Variants in NSG2 observed in about 807,000 individuals in gnomAD.
NSG2 encodes the protein neuronal vesicle trafficking-associated protein 2.
Under a neutral mutation model 16.9 loss-of-function variants are expected in NSG2, and 4 were observed. The observed-to-expected ratio is 0.24, with a 90% CI of 0.12 to 0.54. The LOEUF is 0.54. NSG2 is among the 20% of genes least tolerant of loss of function. The pLI, the probability that NSG2 is intolerant of heterozygous loss-of-function variation, is 0.95. For synonymous variants in NSG2, 98 were observed against 88.7 expected (o/e 1.11, Z -0.59); for missense variants, 179 against 221.1 (o/e 0.81, Z 1.21).
At chr5:174,101,957 G>A (rs1760901730) in intron 3 of NSG2, among the ~76,000 whole-genome samples, 1 of 152,114 alleles carries the variant, frequency 6.6e-6, no homozygotes, top group Admixed American at 6.6e-5. Flanking sequence ...TTGCCTGTGT[G>A]ATACCGGACT....
intron 3 of NSG2, chr5:174,082,333 T>C (rs766342664): frequency 2.0e-5 from 3 of 152,252 alleles, no homozygotes; most frequent in Non-Finnish European, 4.4e-5. Flanking sequence ...CTGAAGCTTC[T>C]GTTTATGTGA....
intron 2 of NSG2, among the ~76,000 whole-genome samples, chr5:174,053,431 G>A (rs1479672996): frequency 6.6e-6 from 1 of 152,176 alleles, no homozygotes; most frequent in African/African-American, 2.4e-5. Context: ...ATGCTCTGCA[G>A]GGGAGGCCTG....
intron 3 of NSG2, among the ~76,000 whole-genome samples, chr5:174,078,074 T>G (rs557465458): frequency 6.6e-6 from 1 of 152,330 alleles, no homozygotes; most frequent in Non-Finnish European, 1.5e-5. Context: ...AATTTAAAGT[T>G]TAATTTCTAT....
intron 3 of NSG2, among the ~76,000 whole-genome samples, chr5:174,088,897 G>A (rs911414967): frequency 2.6e-5 from 4 of 152,198 alleles, no homozygotes; most frequent in Non-Finnish European, 1.5e-5. Flanking sequence ...TCTTTATCAG[G>A]ACAGAACAGA....
intron 3 of NSG2, among the ~76,000 whole-genome samples, chr5:174,102,727 G>A (rs1033924048): frequency 1.3e-5 from 2 of 151,694 alleles, no homozygotes; most frequent in Non-Finnish European, 2.9e-5. Context: ...GCAGGCTTTC[G>A]AGCAGAAAAG....
intron 3 of NSG2, among the ~76,000 whole-genome samples, chr5:174,076,228 A>G (rs953219993): frequency 6.6e-6 from 1 of 152,260 alleles, no homozygotes; most frequent in Non-Finnish European, 1.5e-5. Context: ...GGCATGCAGT[A>G]GCCCCTAAAA....
Position 174,108,114 on chromosome 5 carries a change from C to CCTG in NSG2, c.*609_*610insCTG. ...ATAACCCATAGTGAAATGTGCTGGC[C>CCTG]TCTGGTGCATTTTGCAAGATGAGCA... is the stretch of plus-strand genomic sequence containing the variant. On this transcript the variant is annotated 3_prime_UTR_variant, in exon 5 of 5. Transcript: ENST00000303177. The CCTG allele has an allele frequency of 4.5e-6, 1 of 224,158 alleles. No homozygotes were observed. Among genetic ancestry groups the CCTG allele is most frequent in the Non-Finnish European group, 8.9e-6 (1 of 112,630 alleles). 13.9% of individuals were successfully genotyped at this position (224,158 alleles called of 1,614,324 possible). A position where few individuals can be genotyped will look rare whatever the true frequency, so the allele number is the denominator to read the frequency against.
At chr5:174,061,666 C>T (rs1285765653) in intron 2 of NSG2, among the ~76,000 whole-genome samples, 1 of 152,118 alleles carries the variant, frequency 6.6e-6, no homozygotes. Flanking sequence ...TGCAGTGGCA[C>T]AATCTTGGCT....
At chr5:174,073,394 T>G (rs924116521) in intron 3 of NSG2, among the ~76,000 whole-genome samples, 1 of 152,246 alleles carries the variant, frequency 6.6e-6, no homozygotes. Context: ...TTAGGCAAGT[T>G]ATTAAAAACA....
At chr5:174,093,050 G>A (rs147971228) in intron 3 of NSG2, among the ~76,000 whole-genome samples, 1 of 152,188 alleles carries the variant, frequency 6.6e-6, no homozygotes, top group Admixed American at 6.5e-5. Context: ...TGTTATTGTA[G>A]GTTTATAGGC....
chr5:174,100,225 G>T (rs994227093), intron 3 of NSG2, among the ~76,000 whole-genome samples: 9 of 152,194 alleles, frequency 5.9e-5, no homozygotes, highest in Non-Finnish European at 1.3e-4. Flanking sequence ...GACAGTCACG[G>T]AGGACACCCC....
intron 3 of NSG2, among the ~76,000 whole-genome samples, chr5:174,069,905 T>C (rs952664689): frequency 1.2e-4 from 17 of 137,982 alleles, no homozygotes; most frequent in African/African-American, 2.0e-4. Flanking sequence ...TGAGACAAGG[T>C]CTTACTTTGT....
chr5:174,050,545 G>A (rs540723179), intron 2 of NSG2, among the ~76,000 whole-genome samples: 1 of 152,324 alleles, frequency 6.6e-6, no homozygotes, highest in South Asian at 2.1e-4. Context: ...CAGATGAAGA[G>A]TGGAAGGGCT....
intron 3 of NSG2, among the ~76,000 whole-genome samples, chr5:174,071,996 G>A (rs74546819): frequency 0.014 from 2,156 of 152,228 alleles, 24 homozygotes; most frequent in Non-Finnish European, 0.021. Context: ...CCCTGCTCAC[G>A]TTCCCTCCAA....
chr5:174,105,872 C>T (rs1192985738), intron 4 of NSG2, among the ~76,000 whole-genome samples: 1 of 152,092 alleles, frequency 6.6e-6, no homozygotes, highest in Non-Finnish European at 1.5e-5. Flanking sequence ...TGCACTCCAG[C>T]CTGGGGGGAC....
At position 174,107,620 on chromosome 5, in the gene NSG2, G is replaced by C; in HGVS notation, c.*115G>C. ...CCTGGGATATGGGGGCGGGGGCGGG[G>C]CAGGGCAGGGTGGGGGGAAGAACGC... On this transcript the variant is annotated 3_prime_UTR_variant, in exon 5 of 5. Transcript: ENST00000303177. The surrounding 1 kb of genome is among the most constrained non-coding windows in gnomAD (Gnocchi z 4.5). 1.7e-5 allele frequency: 8 copies of C among 483,544 alleles called. No homozygotes were observed. Among genetic ancestry groups the C allele is most frequent in the East Asian group, 1.4e-4 (2 of 14,562 alleles). 30.0% of individuals were successfully genotyped at this position (483,544 alleles called of 1,614,324 possible). A position where few individuals can be genotyped will look rare whatever the true frequency, so the allele number is the denominator to read the frequency against.
Position 174,051,581 on chromosome 5 carries a change from A to G in NSG2, c.129+4697A>G, listed in dbSNP as rs896455393. On this transcript the variant is annotated intron_variant, in intron 2 of 4. Coordinates refer to ENST00000303177, the MANE Select transcript of NSG2 (RefSeq NM_015980.5). ...CCATCTACCCATCCATTCATCATCC[A>G]TCCATCCATCCATCCAGCAAGTCTT... Among the ~76,000 whole-genome samples the G allele has an allele frequency of 2.0e-4, 30 of 152,112 alleles. 1 individual carries two copies. The highest frequency in any genetic ancestry group is 1.8e-4 in the Non-Finnish European group (12 of 67,982).
intron 3 of NSG2, among the ~76,000 whole-genome samples, chr5:174,099,349 G>A (rs948364838): frequency 2.0e-5 from 3 of 152,126 alleles, no homozygotes; most frequent in Non-Finnish European, 4.4e-5. Flanking sequence ...TCGCAGTGCT[G>A]TGCTCACCTC....
chr5:174,066,267 C>G, intron 3 of NSG2: 1 of 456,172 alleles, frequency 2.2e-6, no homozygotes. Context: ...CAAGTACTTG[C>G]AGGAATAAGC....
Sources: gnomAD v4.1 joint callset for allele counts (sites outside exome capture counted in the v4.1 genomes callset) on GRCh38, gnomAD v4.1.1 for gene constraint, Gnocchi (gnomAD v3.1) non-coding constraint, MANE v1.5 for transcripts, NCBI Gene and HGNC (gene_info 2026-07-23, HGNC 2026-07-21) for gene names.